The following TENM1 variants were observed in gnomAD, a reference collection of about 807,000 sequenced individuals.
The protein encoded by TENM1 is teneurin-1.
A neutral mutation model predicts 174.8 loss-of-function variants in TENM1; 35 were observed. That is an observed-to-expected ratio of 0.20 (90% CI 0.15 to 0.27). The LOEUF (loss-of-function observed/expected upper bound fraction) is 0.27, where lower values mean the gene tolerates loss of function less well. Among genes scored for constraint, TENM1 ranks in the 10% least tolerant of loss-of-function variants. The pLI, the probability that TENM1 is intolerant of heterozygous loss-of-function variation, is 1.00. For synonymous variants in TENM1, 781 were observed against 798.7 expected (o/e 0.98, Z 0.37); for missense variants, 1,633 against 2,130.1 (o/e 0.77, Z 4.59).
chrX:125,031,096 A>G, the TENM1 span, among the ~76,000 whole-genome samples: 4 of 109,603 alleles, frequency 3.6e-5, no homozygotes, highest in African/African-American at 1.3e-4. Flanking sequence ...ACAGTTTTTT[A>G]ACTCTTCCCC....
At chrX:124,609,955 G>A (rs955184591) in intron 11 of TENM1, among the ~76,000 whole-genome samples, 5 of 111,747 alleles carry the variant, frequency 4.5e-5, no homozygotes, top group Admixed American at 3.8e-4. Context: ...GGGCAATAAC[G>A]ATAATGCCTG....
chrX:124,741,905 T>C (rs2053808296), intron 3 of TENM1, among the ~76,000 whole-genome samples: 1 of 112,338 alleles, frequency 8.9e-6, no homozygotes, highest in Admixed American at 9.4e-5. Flanking sequence ...AAACGCAAAA[T>C]TTGTCTTAAG....
chrX:125,042,930 T>C, the TENM1 span, among the ~76,000 whole-genome samples: 1 of 111,497 alleles, frequency 9.0e-6, no homozygotes, highest in Non-Finnish European at 1.9e-5. Flanking sequence ...GTTAGTACAC[T>C]ATGCAAGTTA....
At chrX:124,383,296 A>G (rs1014069002) in intron 30 of TENM1, among the ~76,000 whole-genome samples, 7 of 111,472 alleles carry the variant, frequency 6.3e-5, no homozygotes, top group African/African-American at 2.3e-4. Flanking sequence ...CTCTCTCTAC[A>G]GGGTAGAGTG....
intron 15 of TENM1, among the ~76,000 whole-genome samples, chrX:124,540,247 G>T (rs928694618): frequency 8.9e-6 from 1 of 111,951 alleles, no homozygotes; most frequent in African/African-American, 3.2e-5. Context: ...AAATGTTGTT[G>T]TATGAATGAG....
intron 3 of TENM1, among the ~76,000 whole-genome samples, chrX:124,750,132 A>G (rs2054026862): frequency 8.9e-6 from 1 of 111,901 alleles, no homozygotes; most frequent in Non-Finnish European, 1.9e-5. Context: ...GTTAGGATAT[A>G]TACTTGCAAA....
the TENM1 span, among the ~76,000 whole-genome samples, chrX:124,994,999 T>G: frequency 9.0e-6 from 1 of 110,887 alleles, no homozygotes; most frequent in Non-Finnish European, 1.9e-5. Context: ...GCCTCACTTG[T>G]GCCATTTGCC....
chrX:125,060,771 T>A, the TENM1 span, among the ~76,000 whole-genome samples: 1 of 110,588 alleles, frequency 9.0e-6, no homozygotes, highest in Non-Finnish European at 1.9e-5. Flanking sequence ...AACCATATAA[T>A]TATATAAAAA....
the TENM1 span, among the ~76,000 whole-genome samples, chrX:125,061,943 T>A: frequency 4.5e-5 from 5 of 112,055 alleles, no homozygotes; most frequent in East Asian, 1.4e-3. Flanking sequence ...AACAGTTCAA[T>A]CCTTCAGTGT....
intron 11 of TENM1, among the ~76,000 whole-genome samples, chrX:124,595,945 C>G (rs1004904023): frequency 8.9e-6 from 1 of 111,959 alleles, no homozygotes; most frequent in Non-Finnish European, 1.9e-5. Flanking sequence ...GCACGGGAAG[C>G]TGTAAAAATT....
At position 124,595,642 on chromosome X, in the gene TENM1, A is replaced by G. The variant is rs181920291; in HGVS notation, c.2078-30082T>C. ...GTTTACTTGGTCGGCTCTTATAAAAAGAAATAAAAGCCAAAACTCTTATTT... is the reference window on the plus strand; with the variant it reads ...GTTTACTTGGTCGGCTCTTATAAAAGGAAATAAAAGCCAAAACTCTTATTT... On this transcript the variant is annotated intron_variant, in intron 11 of 31. Coordinates refer to ENST00000422452, the Ensembl canonical transcript of TENM1. Among the ~76,000 whole-genome samples, 116 of 112,103 alleles carry G rather than the reference A, an allele frequency of 1.0e-3. 1 individual carries two copies. Among genetic ancestry groups the G allele is most frequent in the South Asian group, 3.7e-4 (1 of 2,698 alleles).
At chrX:125,121,053 T>C in the TENM1 span, among the ~76,000 whole-genome samples, 3 of 111,884 alleles carry the variant, frequency 2.7e-5, no homozygotes, top group Non-Finnish European at 5.6e-5. Flanking sequence ...ATATTCTTTA[T>C]TATTCATGAT....
Position 124,926,895 on chromosome X carries a change from T to C in TENM1, c.218-30654A>G, listed in dbSNP as rs143326963. 1.8e-3 allele frequency among the ~76,000 whole-genome samples: 205 copies of C among 112,217 alleles called. 1 individual carries two copies. The highest frequency in any genetic ancestry group is 4.6e-3 in the Middle Eastern group (1 of 218). On this transcript the variant is annotated intron_variant, in intron 1 of 31. Coordinates refer to ENST00000422452, the Ensembl canonical transcript of TENM1. ...ATAGAAAATACAATCTTTGAGGTAT[T>C]TGAATAGCTTTGCAAAGGAAGTCTT...
chrX:124,425,710 T>C (rs941427020), intron 23 of TENM1, among the ~76,000 whole-genome samples: 2 of 111,783 alleles, frequency 1.8e-5, no homozygotes, highest in African/African-American at 6.5e-5. Flanking sequence ...CATTGGGTAA[T>C]AGAGGGAAGC....
chrX:124,926,159 T>C (rs755934870), intron 1 of TENM1, among the ~76,000 whole-genome samples: 41 of 112,299 alleles, frequency 3.7e-4, no homozygotes, highest in Non-Finnish European at 7.5e-4. Context: ...TGGAAACATA[T>C]ACTAAGTCAC....
chrX:124,414,392 C>A (rs2060570586), intron 25 of TENM1, among the ~76,000 whole-genome samples: 1 of 111,679 alleles, frequency 9.0e-6, no homozygotes, highest in African/African-American at 3.3e-5. Context: ...ACTTTTGCAG[C>A]CTTGTGGAGA....
chrX:124,751,225 A>C (rs1451985959), intron 3 of TENM1, among the ~76,000 whole-genome samples: 1 of 111,961 alleles, frequency 8.9e-6, no homozygotes, highest in African/African-American at 3.3e-5. Flanking sequence ...CCTAAAAAAA[A>C]TTCTTATTTA....
At chrX:124,966,159 C>T (rs183556504), upstream of TENM1, among the ~76,000 whole-genome samples, 29 of 111,701 alleles carry the variant, frequency 2.6e-4, no homozygotes, top group Non-Finnish European at 4.9e-4. Flanking sequence ...GCCATCATAT[C>T]CCTCCTGGAT....
At chrX:125,018,222 T>C in the TENM1 span, among the ~76,000 whole-genome samples, 137 of 111,321 alleles carry the variant, frequency 1.2e-3, no homozygotes, top group African/African-American at 4.3e-3. Flanking sequence ...TGACCAGTGC[T>C]AGGACAATGA....
Sources: gnomAD v4.1 joint callset for allele counts (sites outside exome capture counted in the v4.1 genomes callset) on GRCh38, gnomAD v4.1.1 for gene constraint, MANE v1.5 for transcripts, NCBI Gene and HGNC (gene_info 2026-07-23, HGNC 2026-07-21) for gene names.